MFSD2B: variants seen among roughly 807,000 people sequenced by gnomAD.
MFSD2B encodes the protein MFSD2 lysolipid transporter B, sphingolipid.
A neutral mutation model predicts 58.4 loss-of-function variants in MFSD2B; 56 were observed. The ratio of observed to expected loss-of-function variants is 0.96; its 90% CI spans 0.77 to 1.20. The LOEUF is 1.20. MFSD2B is among the 50% of genes most tolerant of loss of function. MFSD2B has a pLI of 0.00. For missense variants in MFSD2B, 645 were observed against 667.6 expected, an observed-to-expected ratio of 0.97 and a Z score of 0.37; for synonymous variants, 287 against 294.4, an observed-to-expected ratio of 0.97 and a Z score of 0.26.
At position 24,012,160 on chromosome 2, in the gene MFSD2B, ACACACACACACAC is replaced by A; in HGVS notation, c.97-1124_97-1112del. On this transcript the variant is annotated intron_variant, in intron 1 of 13. Coordinates refer to ENST00000338315, the MANE Select transcript of MFSD2B (RefSeq NM_001346880.2). This position sits in a 1 kb window ranked among gnomAD's most constrained non-coding sequence, Gnocchi z 4.5. Reference sequence around the variant, plus strand: ...ACAAACAAACAAACAAAACACACACACACACACACACACACACACAAAAACAGACAAAAAAACC... The same window carrying A: ...ACAAACAAACAAACAAAACACACACAACACACAAAAACAGACAAAAAAACC... Among the ~76,000 whole-genome samples the A allele has an allele frequency of 4.4e-5, 3 of 68,422 alleles. No individual in the cohort carries two copies. The highest frequency in any genetic ancestry group is 1.1e-4 in the Non-Finnish European group (3 of 27,988). The allele number at this position is 68,422 out of a possible 152,430, so 44.9% of individuals were successfully genotyped here. A position where few individuals can be genotyped will look rare whatever the true frequency, so the allele number is the denominator to read the frequency against.
In MFSD2B at chr2:24,021,526, T is replaced by C. The variant is rs2150941674; in HGVS notation, c.682-122T>C. 1.2e-6 allele frequency: 1 copy of C among 842,212 alleles called. No individual in the cohort carries two copies. Among genetic ancestry groups the C allele is most frequent in the East Asian group, 2.7e-5 (1 of 37,322 alleles). 52.2% of individuals were successfully genotyped at this position (842,212 alleles called of 1,614,324 possible). A position where few individuals can be genotyped will look rare whatever the true frequency, so the allele number is the denominator to read the frequency against. On this transcript the variant is annotated intron_variant, in intron 6 of 13. Coordinates refer to ENST00000338315, the MANE Select transcript of MFSD2B (RefSeq NM_001346880.2). The surrounding 1 kb of genome is among the most constrained non-coding windows in gnomAD (Gnocchi z 5.7). ...GTGATTGGGAGGTGGGGACCCAGCGTCCTGGGCTTGGGTTGTGCCTCCCTC... is the reference window on the plus strand; with the variant it reads ...GTGATTGGGAGGTGGGGACCCAGCGCCCTGGGCTTGGGTTGTGCCTCCCTC...
chr2:24,010,282 C>A, intron 1 of MFSD2B, 90 bp downstream of exon 1: 1 of 1,068,920 alleles, frequency 9.4e-7, no homozygotes, highest in Non-Finnish European at 1.2e-6. Flanking sequence ...CTGGGGGCAG[C>A]CCGGAGGGGC....
chr2:24,023,034 G>A lies in MFSD2B; in HGVS notation c.1060-96G>A. The A allele has an allele frequency of 1.5e-6, 2 of 1,356,068 alleles. No homozygotes were observed. The highest frequency in any genetic ancestry group is 2.1e-6 in the Non-Finnish European group (2 of 954,478). The allele number at this position is 1,356,068 out of a possible 1,614,324, so 84.0% of individuals were successfully genotyped here. On this transcript the variant is annotated intron_variant, in intron 10 of 13. Transcript: ENST00000338315. The surrounding 1 kb of genome is among the most constrained non-coding windows in gnomAD (Gnocchi z 5.0). ...CCTTGAGTCTTTAGGGCCTAGCACAGGGCAAGGCATGGGGGTCGTCAGTCG... is the reference window on the plus strand; with the variant it reads ...CCTTGAGTCTTTAGGGCCTAGCACAAGGCAAGGCATGGGGGTCGTCAGTCG...
rs747126152 is a variant in MFSD2B, at chr2:24,021,655, T to C, written c.689T>C (p.Leu230Pro). Residue 230 changes from leucine to proline, a missense_variant, in exon 7 of 14, where the codon CTC becomes CCC. By Grantham distance (98) the Leu-to-Pro change is moderately conservative (BLOSUM62 -3). Coordinates refer to ENST00000338315, the MANE Select transcript of MFSD2B (RefSeq NM_001346880.2). The surrounding 1 kb of genome is among the most constrained non-coding windows in gnomAD (Gnocchi z 5.7). Reference sequence around the variant, plus strand: ...TCCTGTCCTGTCCCACAGGCCCATCTCTACTGCATTGCGGCTGCCGTGGTT... The same window carrying C: ...TCCTGTCCTGTCCCACAGGCCCATCCCTACTGCATTGCGGCTGCCGTGGTT... ...PVTVSPNAAH[L>P]YCIAAAVVVV... is the part of the protein sequence containing the mutation. The C allele has an allele frequency of 1.6e-4, 252 of 1,612,706 alleles. 1 individual carries two copies. Among genetic ancestry groups the C allele is most frequent in the Non-Finnish European group, 1.9e-4 (229 of 1,179,452 alleles).
At chr2:24,013,030 G>T (rs1448330987) in intron 1 of MFSD2B, 1 of 344,008 alleles carries the variant, frequency 2.9e-6, no homozygotes, top group South Asian at 1.1e-4. Context: ...AATGATGGCG[G>T]CTTCAGCAGG....
At chr2:24,011,278 TG>T (rs1708946340) in intron 1 of MFSD2B, among the ~76,000 whole-genome samples, 1 of 152,242 alleles carries the variant, frequency 6.6e-6, no homozygotes, top group Admixed American at 6.5e-5. Flanking sequence ...TGGCTTCACT[TG>T]GAAGTTCTTT....
At chr2:24,014,122 C>T (rs1362956380) in intron 2 of MFSD2B, among the ~76,000 whole-genome samples, 1 of 151,984 alleles carries the variant, frequency 6.6e-6, no homozygotes, top group Non-Finnish European at 1.5e-5. Flanking sequence ...AGCAATTCTC[C>T]TGCCTCAGCC....
At chr2:24,011,521 C>T (rs1708953116) in intron 1 of MFSD2B, among the ~76,000 whole-genome samples, 1 of 152,138 alleles carries the variant, frequency 6.6e-6, no homozygotes, top group East Asian at 1.9e-4. Context: ...ACCTTCCCTT[C>T]ACAAGAGCCT....
intron 2 of MFSD2B, among the ~76,000 whole-genome samples, chr2:24,014,475 G>C (rs898026699): frequency 6.6e-6 from 1 of 152,162 alleles, no homozygotes; most frequent in African/African-American, 2.4e-5. Flanking sequence ...TCTTCTTCCA[G>C]TGTGGCCCAC....
At position 24,016,911 on chromosome 2, in the gene MFSD2B, C is replaced by A. The variant is rs763312987; in HGVS notation, c.414C>A (p.Thr138=). 1 of 1,613,898 alleles carries A rather than the reference C, an allele frequency of 6.2e-7. No homozygotes were observed. The highest frequency in any genetic ancestry group is 8.5e-7 in the Non-Finnish European group (1 of 1,179,858). The part of the protein sequence containing the change: ...YFFLWFLPPF[T]SLRGLWYTTF... ...TCCTGTGGTTCCTGCCCCCCTTCAC[C>A]AGCCTGCGAGGCCTCTGGTACACGA... The change falls in exon 4 of 14, where the codon ACC becomes ACA. Residue 138 remains threonine (T), a synonymous_variant. Coordinates refer to ENST00000338315, the MANE Select transcript of MFSD2B (RefSeq NM_001346880.2).
chr2:24,012,417 T>C lies in MFSD2B; in HGVS notation c.97-868T>C, dbSNP rs1708990955. On this transcript the variant is annotated intron_variant, in intron 1 of 13. Coordinates refer to ENST00000338315, the MANE Select transcript of MFSD2B (RefSeq NM_001346880.2). The surrounding 1 kb of genome is among the most constrained non-coding windows in gnomAD (Gnocchi z 4.5). Reference sequence around the variant, plus strand: ...GGCCACTATGCCTGGCTAATTTTTGTGTTTCTAGTAGAGATGGGGTTTTGC... The same window carrying C: ...GGCCACTATGCCTGGCTAATTTTTGCGTTTCTAGTAGAGATGGGGTTTTGC... Among the ~76,000 whole-genome samples, 2 of 152,166 alleles carry C rather than the reference T, an allele frequency of 1.3e-5. No individual in the cohort carries two copies. The highest frequency in any genetic ancestry group is 3.8e-4 in the East Asian group (2 of 5,198).
Position 24,017,542 on chromosome 2 carries a change from G to A in MFSD2B, c.635G>A (p.Cys212Tyr). 6.4e-7 allele frequency: 1 copy of A among 1,572,750 alleles called. No individual in the cohort carries two copies. The highest frequency in any genetic ancestry group is 8.6e-7 in the Non-Finnish European group (1 of 1,159,072). The change falls in exon 6 of 14, where the codon TGC becomes TAC. Residue 212 changes from cysteine to tyrosine, a missense_variant. By Grantham distance (194) the Cys-to-Tyr change is radical. Transcript: ENST00000338315. This position sits in a 1 kb window ranked among gnomAD's most constrained non-coding sequence, Gnocchi z 4.8. ...TCCGGCGCCCACAGACCCCACAGGT[G>A]CGAGGCCACTGCGACCCCGGGGCCA... ...IVSGAHRPHRCEATATPGPVT... is the reference protein window; with the variant it reads ...IVSGAHRPHRYEATATPGPVT...
In MFSD2B at chr2:24,017,657, G is replaced by A; in HGVS notation, c.681+69G>A. On this transcript the variant is annotated intron_variant, in intron 6 of 13. Coordinates refer to ENST00000338315, the MANE Select transcript of MFSD2B (RefSeq NM_001346880.2). This position sits in a 1 kb window ranked among gnomAD's most constrained non-coding sequence, Gnocchi z 4.8. ...CTGCAGGGTCACCTCCTTCCTCTAGGGCTGGTTCTCCCGTCCACACCACTT... is the reference window on the plus strand; with the variant it reads ...CTGCAGGGTCACCTCCTTCCTCTAGAGCTGGTTCTCCCGTCCACACCACTT... The A allele has an allele frequency of 6.8e-7, 1 of 1,468,468 alleles. No individual in the cohort carries two copies. The highest frequency in any genetic ancestry group is 1.4e-5 in the South Asian group (1 of 73,500). The allele number at this position is 1,468,468 out of a possible 1,614,324, so 91.0% of individuals were successfully genotyped here.
In MFSD2B at chr2:24,025,697, A is replaced by C; in HGVS notation, c.*241A>C. 2.1e-6 allele frequency: 1 copy of C among 480,438 alleles called. No homozygotes were observed. Among genetic ancestry groups the C allele is most frequent in the East Asian group, 3.1e-5 (1 of 31,804 alleles). 29.8% of individuals were successfully genotyped at this position (480,438 alleles called of 1,614,324 possible). On this transcript the variant is annotated 3_prime_UTR_variant, in exon 14 of 14. Transcript: ENST00000338315. ...GGCCTGTGCCCCTGACTAGCCCAGT[A>C]GCACTTGTCTCTAGAAAAAGGAAGC...
Position 24,022,083 on chromosome 2 carries a change from A to G in MFSD2B, c.894+113A>G. On this transcript the variant is annotated intron_variant, in intron 8 of 13. Coordinates refer to ENST00000338315, the MANE Select transcript of MFSD2B (RefSeq NM_001346880.2). The surrounding 1 kb of genome is among the most constrained non-coding windows in gnomAD (Gnocchi z 4.5). The stretch of plus-strand genomic sequence containing the variant: ...ATAGGGAGAAACCTGCGGCTGGCAC[A>G]TGGCTCAGAGGGGCTGGTGCCGGGA... The G allele has an allele frequency of 7.7e-7, 1 of 1,300,336 alleles. No individual in the cohort carries two copies. Among genetic ancestry groups the G allele is most frequent in the Non-Finnish European group, 1.1e-6 (1 of 922,018 alleles). The allele number at this position is 1,300,336 out of a possible 1,614,324, so 80.5% of individuals were successfully genotyped here. A position where few individuals can be genotyped will look rare whatever the true frequency, so the allele number is the denominator to read the frequency against.
Position 24,017,237 on chromosome 2 carries a change from T to G in MFSD2B, c.472-49T>G. 1 of 1,542,872 alleles carries G rather than the reference T, an allele frequency of 6.5e-7. No individual in the cohort carries two copies. The highest frequency in any genetic ancestry group is 2.0e-4 in the Middle Eastern group (1 of 5,004). On this transcript the variant is annotated intron_variant, in intron 4 of 13. Transcript: ENST00000338315. This position sits in a 1 kb window ranked among gnomAD's most constrained non-coding sequence, Gnocchi z 4.8. ...ACCCAGGATGGGGGAGGTCGCCCGC[T>G]GTCACCAGGCAAAGCTGGGGGCGGT...
rs1228978174 is a variant in MFSD2B at position 24,024,780 on chromosome 2, C to T, written c.1490+509C>T. On this transcript the variant is annotated intron_variant, in intron 13 of 13. Transcript: ENST00000338315. This position sits in a 1 kb window ranked among gnomAD's most constrained non-coding sequence, Gnocchi z 4.3. Reference sequence around the variant, plus strand: ...TCCCTGTCTTGGTGAATGACACCATCGTTCCCTCTGGGTGGAAGCCTAGGA... The same window carrying T: ...TCCCTGTCTTGGTGAATGACACCATTGTTCCCTCTGGGTGGAAGCCTAGGA... Among the ~76,000 whole-genome samples, 2 of 152,150 alleles carry T rather than the reference C, an allele frequency of 1.3e-5. No homozygotes were observed. The highest frequency in any genetic ancestry group is 4.8e-5 in the African/African-American group (2 of 41,436).
chr2:24,023,871 C>A lies in MFSD2B; in HGVS notation c.1313+145C>A. The A allele has an allele frequency of 2.7e-6, 3 of 1,123,202 alleles. No individual in the cohort carries two copies. Among genetic ancestry groups the A allele is most frequent in the Non-Finnish European group, 3.8e-6 (3 of 783,076 alleles). 69.6% of individuals were successfully genotyped at this position (1,123,202 alleles called of 1,614,324 possible). A position where few individuals can be genotyped will look rare whatever the true frequency, so the allele number is the denominator to read the frequency against. ...TGGAGAGTGTGGGGAACCACTTCCC[C>A]AGGTTTCTCTGTGCATGAGACTGAG... On this transcript the variant is annotated intron_variant, in intron 12 of 13. Transcript: ENST00000338315. The surrounding 1 kb of genome is among the most constrained non-coding windows in gnomAD (Gnocchi z 5.0).
Position 24,017,038 on chromosome 2 carries a change from T to C in MFSD2B, c.471+70T>C. 1 of 1,536,136 alleles carries C rather than the reference T, an allele frequency of 6.5e-7. No homozygotes were observed. The highest frequency in any genetic ancestry group is 8.9e-7 in the Non-Finnish European group (1 of 1,127,916). The stretch of plus-strand genomic sequence containing the variant: ...TGCTGGCCATGGCCACTCTGAAGTG[T>C]GCTGTGGGGGCAGGGCTGCCGCCCT... On this transcript the variant is annotated intron_variant, in intron 4 of 13. Coordinates refer to ENST00000338315, the MANE Select transcript of MFSD2B (RefSeq NM_001346880.2). The surrounding 1 kb of genome is among the most constrained non-coding windows in gnomAD (Gnocchi z 4.8).
Sources: allele counts gnomAD v4.1 joint callset (sites outside exome capture counted in the v4.1 genomes callset), GRCh38; gene constraint gnomAD v4.1.1; non-coding constraint Gnocchi (gnomAD v3.1); transcripts MANE v1.5; gene names NCBI Gene and HGNC (gene_info 2026-07-23, HGNC 2026-07-21).